Variants in WDFY3 observed in about 807,000 individuals in gnomAD.
WDFY3 encodes WD repeat and FYVE domain containing 3, also known as WD repeat and FYVE domain-containing protein 3.
Under a neutral mutation model 409.6 loss-of-function variants are expected in WDFY3, and 66 were observed. That is an observed-to-expected ratio of 0.16 (90% CI 0.13 to 0.20). The LOEUF (loss-of-function observed/expected upper bound fraction) is 0.20. WDFY3 is among the 10% of genes least tolerant of loss of function. WDFY3 has a pLI of 1.00. For missense variants in WDFY3, 3,031 were observed against 4,298.1 expected, an observed-to-expected ratio of 0.71 and a Z score of 8.24; for synonymous variants, 1,521 against 1,537.1, an observed-to-expected ratio of 0.99 and a Z score of 0.25.
At position 84,834,293 on chromosome 4, in the gene WDFY3, T is replaced by C. The variant is rs141792839; in HGVS notation, c.576+2636A>G. Reference sequence around the variant, plus strand: ...GGTTCATCTTTATAGGCAGAAGGATTCTTACAAATAATCTAGTACGATCCT... The same window carrying C: ...GGTTCATCTTTATAGGCAGAAGGATCCTTACAAATAATCTAGTACGATCCT... On this transcript the variant is annotated intron_variant, in intron 7 of 67. Coordinates refer to ENST00000295888, the MANE Select transcript of WDFY3 (RefSeq NM_014991.6). Among the ~76,000 whole-genome samples, 652 of 152,326 alleles carry C rather than the reference T, an allele frequency of 4.3e-3. 4 individuals are homozygous for C. The highest frequency in any genetic ancestry group is 0.015 in the African/African-American group (612 of 41,576).
intron 1 of WDFY3, among the ~76,000 whole-genome samples, chr4:84,950,791 A>G (rs776035959): frequency 5.9e-5 from 9 of 152,244 alleles, no homozygotes; most frequent in Non-Finnish European, 1.2e-4. Context: ...CTCCAACTCA[A>G]AAAAGAAAAA....
intron 39 of WDFY3, among the ~76,000 whole-genome samples, chr4:84,739,727 C>A (rs2149217634): frequency 6.6e-6 from 1 of 152,304 alleles, no homozygotes; most frequent in South Asian, 2.1e-4. Context: ...TGTTTCCCCT[C>A]AAGAAGGCTG....
In WDFY3 at chr4:84,684,058, C is replaced by T. The variant is rs1727880454; in HGVS notation, c.9611G>A (p.Ser3204Asn). 3 of 1,613,592 alleles carry T rather than the reference C, an allele frequency of 1.9e-6. No individual in the cohort carries two copies. Among genetic ancestry groups the T allele is most frequent in the Non-Finnish European group, 2.5e-6 (3 of 1,179,552 alleles). The change falls in exon 63 of 68, where the codon AGT becomes AAT. Residue 3204 changes from serine to asparagine, a missense_variant. Coordinates refer to ENST00000295888, the MANE Select transcript of WDFY3 (RefSeq NM_014991.6). ...VWSINGNPIVSVNTFTGRSQQ... is the reference protein window; with the variant it reads ...VWSINGNPIVNVNTFTGRSQQ... ...GCTCCTACCTGTGAACGTGTTGACA[C>T]TCACGATAGGGTTCCCATTGATGCT...
intron 15 of WDFY3, among the ~76,000 whole-genome samples, chr4:84,806,412 G>A (rs1035830352): frequency 6.6e-5 from 10 of 152,062 alleles, no homozygotes; most frequent in Admixed American, 2.0e-4. Flanking sequence ...GAATTCACAC[G>A]GATTAGGGCT....
At chr4:84,842,974 C>A (rs2150045987) in intron 5 of WDFY3, among the ~76,000 whole-genome samples, 1 of 152,324 alleles carries the variant, frequency 6.6e-6, no homozygotes, top group South Asian at 2.1e-4. Context: ...TCTTTGTAAA[C>A]TTCCATTTGA....
chr4:84,850,006 G>T lies in WDFY3; in HGVS notation c.200C>A (p.Pro67Gln). Residue 67 changes from proline (P) to glutamine (Q), a missense_variant, in exon 5 of 68, where the codon CCG becomes CAG. Coordinates refer to ENST00000295888, the MANE Select transcript of WDFY3 (RefSeq NM_014991.6). ...VFNRVFGNAP[P>Q]NTMTEKFSDL... ...AGAAAATTTTTCTGTCATTGTATTC[G>T]GCGGAGCATTTCCAAAAACCTGTAG... 1 of 1,597,986 alleles carries T rather than the reference G, an allele frequency of 6.3e-7. No homozygotes were observed. The highest frequency in any genetic ancestry group is 8.5e-7 in the Non-Finnish European group (1 of 1,172,554).
At chr4:84,689,161 T>C (rs1728829665) in intron 61 of WDFY3, among the ~76,000 whole-genome samples, 1 of 152,202 alleles carries the variant, frequency 6.6e-6, no homozygotes, top group Admixed American at 6.5e-5. Flanking sequence ...AGGAGAGATT[T>C]TGCTATCATG....
chr4:84,855,204 A>C (rs1269728039), intron 4 of WDFY3, among the ~76,000 whole-genome samples: 1 of 152,192 alleles, frequency 6.6e-6, no homozygotes, highest in Non-Finnish European at 1.5e-5. Context: ...TTTTACAGTT[A>C]AGAAAATTAA....
rs535976277 is a variant in WDFY3, at chr4:84,777,194, T to C, written c.4518+1309A>G. On this transcript the variant is annotated intron_variant, in intron 27 of 67. Transcript: ENST00000295888. ...ATGCTAAGTTCAGTTAAGGTGTTGG[T>C]GGGACAGTGCTGACTGAGCAAGAAT... Among the ~76,000 whole-genome samples, 4 of 152,138 alleles carry C rather than the reference T, an allele frequency of 2.6e-5. No individual in the cohort carries two copies. The South Asian group carries it at 8.3e-4, about 32-fold the overall frequency.
At chr4:84,895,567 C>G (rs960535483) in intron 3 of WDFY3, among the ~76,000 whole-genome samples, 2 of 152,128 alleles carry the variant, frequency 1.3e-5, no homozygotes, top group Non-Finnish European at 2.9e-5. Flanking sequence ...CAGAGAAAAG[C>G]CAGTCACAGG....
intron 5 of WDFY3, chr4:84,844,634 G>T: frequency 4.4e-6 from 3 of 684,470 alleles, no homozygotes; most frequent in Admixed American, 6.3e-5. Flanking sequence ...CCATATTGGG[G>T]ATTGCACTAC....
intron 57 of WDFY3, among the ~76,000 whole-genome samples, chr4:84,696,464 A>G (rs1439875562): frequency 6.6e-6 from 1 of 152,098 alleles, no homozygotes; most frequent in Non-Finnish European, 1.5e-5. Context: ...TACTATTCTT[A>G]ATCTCTTACT....
chr4:84,962,866 G>A (rs1775086958), intron 1 of WDFY3, among the ~76,000 whole-genome samples: 3 of 151,734 alleles, frequency 2.0e-5, no homozygotes, highest in Admixed American at 2.0e-4. Flanking sequence ...TAGACACGGG[G>A]ATTCACCATA....
In WDFY3 at chr4:84,743,718, C is replaced by A. The variant is rs1560643896; in HGVS notation, c.6055G>T (p.Ala2019Ser). 5.1e-6 allele frequency: 8 copies of A among 1,574,756 alleles called. No individual in the cohort carries two copies. The highest frequency in any genetic ancestry group is 6.1e-6 in the Non-Finnish European group (7 of 1,156,536). ...ILDSVMDHLL[A>S]ADVLLGEDAS... ...GAATTACCTAATAACACATCAGCTG[C>A]AAGCAAATGGTCCATCACGCTATCC... is the stretch of plus-strand genomic sequence containing the variant. Residue 2019 changes from alanine (A) to serine (S), a missense_variant, in exon 37 of 68, where the codon GCA becomes TCA. By Grantham distance (99) the Ala-to-Ser change is moderately conservative (BLOSUM62 1). Coordinates refer to ENST00000295888, the MANE Select transcript of WDFY3 (RefSeq NM_014991.6).
At chr4:84,944,739 C>G (rs1772592292) in intron 1 of WDFY3, among the ~76,000 whole-genome samples, 1 of 152,000 alleles carries the variant, frequency 6.6e-6, no homozygotes, top group Admixed American at 6.6e-5. Context: ...TTGCAGTGAG[C>G]CGAGATCACG....
chr4:84,767,291 G>C (rs990319722), intron 30 of WDFY3, among the ~76,000 whole-genome samples: 4 of 151,910 alleles, frequency 2.6e-5, no homozygotes, highest in African/African-American at 9.7e-5. Context: ...AGTGAACTTA[G>C]TCAAAAAATG....
chr4:84,816,427 C>T (rs951382491), intron 13 of WDFY3, among the ~76,000 whole-genome samples: 1 of 152,028 alleles, frequency 6.6e-6, no homozygotes, highest in African/African-American at 2.4e-5. Flanking sequence ...ATATTTCAAC[C>T]AGTCTGTGTT....
At chr4:84,793,870 T>C (rs903900437) in intron 21 of WDFY3, among the ~76,000 whole-genome samples, 1 of 152,230 alleles carries the variant, frequency 6.6e-6, no homozygotes, top group African/African-American at 2.4e-5. Flanking sequence ...GATATTATTT[T>C]ACTTAGCTAA....
In WDFY3 at chr4:84,697,992, T is replaced by C. The variant is rs1166940672; in HGVS notation, c.8597-1169A>G. Reference sequence around the variant, plus strand: ...TGACTTGGTTGGAAAGGTTACCATATGATTTACAACAAAAATAAATCAAGT... The same window carrying C: ...TGACTTGGTTGGAAAGGTTACCATACGATTTACAACAAAAATAAATCAAGT... On this transcript the variant is annotated intron_variant, in intron 56 of 67. Transcript: ENST00000295888. 5.3e-5 allele frequency among the ~76,000 whole-genome samples: 8 copies of C among 152,196 alleles called. 1 individual carries two copies. The highest frequency in any genetic ancestry group is 5.2e-4 in the Admixed American group (8 of 15,278).
Sources: allele counts gnomAD v4.1 joint callset (sites outside exome capture counted in the v4.1 genomes callset), GRCh38; gene constraint gnomAD v4.1.1; transcripts MANE v1.5; gene names NCBI Gene and HGNC (gene_info 2026-07-23, HGNC 2026-07-21).